Variants in PRR11 observed in about 807,000 individuals in gnomAD.
The protein encoded by PRR11 is proline rich 11.
Under a neutral mutation model 45.6 loss-of-function variants are expected in PRR11, and 30 were observed. The observed-to-expected ratio is 0.66, with a 90% CI of 0.49 to 0.89. The LOEUF (loss-of-function observed/expected upper bound fraction) is 0.89. Among genes scored for constraint, PRR11 ranks in the 40% least tolerant of loss-of-function variants. The pLI, the probability that PRR11 is intolerant of heterozygous loss-of-function variation, is 0.00. For missense variants in PRR11, 373 were observed against 424.8 expected (o/e 0.88, Z 1.07); for synonymous variants, 128 against 153.5 (o/e 0.83, Z 1.23).
chr17:59,181,404 T>C, intron 2 of PRR11: 1 of 833,384 alleles, frequency 1.2e-6, no homozygotes, highest in Non-Finnish European at 1.8e-6. Context: ...CATGGAGAGC[T>C]CACCCACTGG....
At chr17:59,157,306 A>G (rs2046630397) in intron 1 of PRR11, among the ~76,000 whole-genome samples, 1 of 152,220 alleles carries the variant, frequency 6.6e-6, no homozygotes, top group Non-Finnish European at 1.5e-5. Flanking sequence ...AGGATGACAA[A>G]CATACAAGCA....
intron 2 of PRR11, among the ~76,000 whole-genome samples, chr17:59,181,076 A>G (rs1448786623): frequency 6.7e-6 from 1 of 149,592 alleles, no homozygotes; most frequent in Non-Finnish European, 1.5e-5. Context: ...TGCAAGCAAC[A>G]CCTCCGGGGT....
chr17:59,158,967 A>C (rs1386841944), intron 1 of PRR11, among the ~76,000 whole-genome samples: 1 of 151,958 alleles, frequency 6.6e-6, no homozygotes. Context: ...ATTACAGCAC[A>C]CTCCACCACA....
chr17:59,161,312 C>G (rs139888287), intron 1 of PRR11, among the ~76,000 whole-genome samples: 71 of 150,620 alleles, frequency 4.7e-4, no homozygotes, highest in African/African-American at 1.6e-3. Flanking sequence ...GAGACTGAGG[C>G]AGGAGAATCG....
intron 3 of PRR11, 95 bp downstream of exon 3, chr17:59,185,299 T>G: frequency 4.6e-6 from 7 of 1,520,728 alleles, no homozygotes; most frequent in Non-Finnish European, 6.2e-6. Context: ...ACCCTCAAGC[T>G]AAACTTAGAT....
chr17:59,166,830 T>C (rs2046682270), intron 1 of PRR11, among the ~76,000 whole-genome samples: 1 of 152,182 alleles, frequency 6.6e-6, no homozygotes, highest in South Asian at 2.1e-4. Context: ...TGCCACTTTT[T>C]ATTTTTTTAT....
intron 7 of PRR11, among the ~76,000 whole-genome samples, chr17:59,197,147 T>A (rs1309875760): frequency 6.6e-6 from 1 of 152,022 alleles, no homozygotes; most frequent in Non-Finnish European, 1.5e-5. Context: ...GCACCCTGCT[T>A]CTACTGCTAT....
intron 1 of PRR11, among the ~76,000 whole-genome samples, chr17:59,163,210 C>A (rs1171464498): frequency 6.6e-6 from 1 of 152,134 alleles, no homozygotes; most frequent in East Asian, 1.9e-4. Flanking sequence ...CCTGCCTCAG[C>A]CTCCCAGATA....
chr17:59,197,996 T>C (rs1373120525), intron 9 of PRR11: 4 of 526,068 alleles, frequency 7.6e-6, no homozygotes, highest in Non-Finnish European at 1.4e-5. Context: ...ATGCCTGTAG[T>C]TCCAGCTACT....
chr17:59,197,622 T>C lies in PRR11; in HGVS notation c.917+19T>C. 1 of 1,612,288 alleles carries C rather than the reference T, an allele frequency of 6.2e-7. No individual in the cohort carries two copies. The highest frequency in any genetic ancestry group is 8.5e-7 in the Non-Finnish European group (1 of 1,178,262). On this transcript the variant is annotated intron_variant, in intron 8 of 9. Transcript: ENST00000262293. ...TAGAGAGGTAATACACTCTCATATC[T>C]TTATGCCTTCTACGTCCATTTTAAA...
At chr17:59,200,620 A>G (rs921028433) in intron 9 of PRR11, among the ~76,000 whole-genome samples, 18 of 152,002 alleles carry the variant, frequency 1.2e-4, no homozygotes, top group African/African-American at 4.3e-4. Flanking sequence ...AGCCTCCCGA[A>G]TAGCTGGGAC....
intron 2 of PRR11, among the ~76,000 whole-genome samples, chr17:59,174,544 G>C (rs546100813): frequency 5.3e-5 from 8 of 152,246 alleles, no homozygotes; most frequent in Non-Finnish European, 1.0e-4. Flanking sequence ...GGCAGGATCA[G>C]GGCTCCCTGC....
intron 2 of PRR11, among the ~76,000 whole-genome samples, chr17:59,170,716 C>T (rs1240273472): frequency 6.6e-6 from 1 of 152,146 alleles, no homozygotes; most frequent in Non-Finnish European, 1.5e-5. Flanking sequence ...CTGTACCCAC[C>T]CTCATGTTTT....
At chr17:59,185,292 C>G (rs2046808856) in intron 3 of PRR11, 88 bp downstream of exon 3, 1 of 1,534,230 alleles carries the variant, frequency 6.5e-7, no homozygotes. Flanking sequence ...CAGTCCAACC[C>G]TCAAGCTAAA....
intron 2 of PRR11, among the ~76,000 whole-genome samples, chr17:59,174,781 G>C (rs2046733264): frequency 6.6e-6 from 1 of 152,164 alleles, no homozygotes; most frequent in African/African-American, 2.4e-5. Flanking sequence ...TGGAGCTCTA[G>C]GAAACGCGGT....
intron 4 of PRR11, among the ~76,000 whole-genome samples, chr17:59,187,895 G>A (rs2046821758): frequency 6.6e-6 from 1 of 151,296 alleles, no homozygotes; most frequent in African/African-American, 2.4e-5. Context: ...TCAAGACTAG[G>A]TGTGGTACCA....
chr17:59,188,015 C>T (rs1352784304), intron 4 of PRR11, among the ~76,000 whole-genome samples: 1 of 152,088 alleles, frequency 6.6e-6, no homozygotes, highest in Non-Finnish European at 1.5e-5. Context: ...TTCCCAAACT[C>T]ATTTACAGAA....
chr17:59,177,782 G>A (rs1437393668), intron 2 of PRR11, among the ~76,000 whole-genome samples: 1 of 152,212 alleles, frequency 6.6e-6, no homozygotes, highest in Non-Finnish European at 1.5e-5. Flanking sequence ...TTGAGAGGCT[G>A]AGACAGGAGG....
chr17:59,184,111 A>C (rs1389574626), intron 2 of PRR11, among the ~76,000 whole-genome samples: 1 of 152,080 alleles, frequency 6.6e-6, no homozygotes, highest in East Asian at 1.9e-4. Flanking sequence ...TGTCAAAAAA[A>C]ATTTTTTTGA....
Sources: gnomAD v4.1 joint callset for allele counts (sites outside exome capture counted in the v4.1 genomes callset) on GRCh38, gnomAD v4.1.1 for gene constraint, MANE v1.5 for transcripts, NCBI Gene and HGNC (gene_info 2026-07-23, HGNC 2026-07-21) for gene names.